COG5: variants seen among roughly 807,000 people sequenced by gnomAD.
The protein encoded by COG5 is conserved oligomeric Golgi complex subunit 5.
COG5 carries 86 observed loss-of-function variants against 110.4 expected under a neutral mutation model. That is an observed-to-expected ratio of 0.78 (90% CI 0.65 to 0.93). The LOEUF is 0.93. Ranked by LOEUF, COG5 falls within the 40% of genes least tolerant of loss-of-function variation. The pLI is 0.00. For missense variants in COG5, 1,077 were observed against 987.0 expected, an observed-to-expected ratio of 1.09 and a Z score of -1.22; for synonymous variants, 360 against 334.6, an observed-to-expected ratio of 1.08 and a Z score of -0.83.
At chr7:107,289,994 C>T (rs1444270489) in intron 12 of COG5, among the ~76,000 whole-genome samples, 1 of 152,116 alleles carries the variant, frequency 6.6e-6, no homozygotes, top group Admixed American at 6.5e-5. Context: ...TCCAGGTGGC[C>T]TCCCTCACCC....
At chr7:107,515,995 G>A (rs1404412849) in intron 6 of COG5, among the ~76,000 whole-genome samples, 1 of 152,158 alleles carries the variant, frequency 6.6e-6, no homozygotes, top group Non-Finnish European at 1.5e-5. Context: ...CCACTTTGTA[G>A]TAATGCCTAT....
At chr7:107,209,320 T>C (rs1168651145) in intron 21 of COG5, 1 of 715,738 alleles carries the variant, frequency 1.4e-6, no homozygotes, top group East Asian at 1.3e-4. Flanking sequence ...GCTAGTTAGG[T>C]GATTGTGACC....
At chr7:107,317,626 A>G (rs1297884133) in intron 11 of COG5, among the ~76,000 whole-genome samples, 1 of 152,238 alleles carries the variant, frequency 6.6e-6, no homozygotes, top group Non-Finnish European at 1.5e-5. Context: ...TAAATCTTAA[A>G]GCAATATTCA....
chr7:107,281,773 G>C (rs1805189114), intron 13 of COG5, among the ~76,000 whole-genome samples: 1 of 152,118 alleles, frequency 6.6e-6, no homozygotes, highest in African/African-American at 2.4e-5. Context: ...GAATGGAAAT[G>C]ATGACCTTAA....
intron 16 of COG5, among the ~76,000 whole-genome samples, chr7:107,250,623 A>G (rs1802431988): frequency 6.6e-6 from 1 of 152,154 alleles, no homozygotes; most frequent in African/African-American, 2.4e-5. Context: ...AAGAACCTCA[A>G]TGAGGCAAGG....
At chr7:107,507,517 C>G (rs1799116877) in intron 6 of COG5, among the ~76,000 whole-genome samples, 1 of 149,394 alleles carries the variant, frequency 6.7e-6, no homozygotes, top group Non-Finnish European at 1.5e-5. Flanking sequence ...CCATATTAGC[C>G]ACGATGGTCT....
At chr7:107,426,126 T>C (rs2129076266) in intron 6 of COG5, among the ~76,000 whole-genome samples, 1 of 152,282 alleles carries the variant, frequency 6.6e-6, no homozygotes, top group East Asian at 1.9e-4. Context: ...ACTTCTAGCC[T>C]CCAGAATTGT....
At chr7:107,436,798 G>A (rs1794395723) in intron 6 of COG5, among the ~76,000 whole-genome samples, 1 of 152,096 alleles carries the variant, frequency 6.6e-6, no homozygotes, top group Non-Finnish European at 1.5e-5. Context: ...AAGCAGAGTT[G>A]GATCATGAGT....
intron 11 of COG5, among the ~76,000 whole-genome samples, chr7:107,305,438 T>C (rs1179043635): frequency 6.6e-6 from 1 of 152,182 alleles, no homozygotes; most frequent in African/African-American, 2.4e-5. Context: ...GCCTTTAGGA[T>C]GTCTTGAATG....
intron 1 of COG5, 38 bp from the exon 2 acceptor site, chr7:107,558,153 C>T (rs1031548306): frequency 7.5e-6 from 12 of 1,600,516 alleles, no homozygotes; most frequent in Non-Finnish European, 1.0e-5. Context: ...TCCTTAATTA[C>T]CCTGTACTAA....
intron 3 of COG5, among the ~76,000 whole-genome samples, chr7:107,549,558 A>ATTTTTTTTTTTTTTTTTT (rs764100280): frequency 7.3e-6 from 1 of 137,722 alleles, no homozygotes; most frequent in Non-Finnish European, 1.6e-5. Flanking sequence ...CGCCCAGCTA[A>ATTTTTTTTTTTTTTTTTT]TTTTTTTTTT....
intron 11 of COG5, among the ~76,000 whole-genome samples, chr7:107,302,494 A>G (rs1807353168): frequency 6.6e-6 from 1 of 152,216 alleles, no homozygotes; most frequent in Non-Finnish European, 1.5e-5. Context: ...AAAACATATC[A>G]AATTGTATAC....
intron 7 of COG5, among the ~76,000 whole-genome samples, chr7:107,381,636 G>C (rs2129053217): frequency 6.6e-6 from 1 of 152,250 alleles, no homozygotes. Context: ...CTCAAATACA[G>C]GCTTCTCATA....
At chr7:107,390,698 C>T (rs1022772732) in intron 7 of COG5, among the ~76,000 whole-genome samples, 1 of 150,430 alleles carries the variant, frequency 6.6e-6, no homozygotes, top group African/African-American at 2.5e-5. Context: ...CTGGGGGTCA[C>T]TCTTTGACTG....
At chr7:107,273,876 G>A (rs2116738499) in intron 14 of COG5, among the ~76,000 whole-genome samples, 1 of 152,196 alleles carries the variant, frequency 6.6e-6, no homozygotes, top group East Asian at 1.9e-4. Flanking sequence ...AATATTATAT[G>A]CCTGTGGTAA....
chr7:107,533,969 C>T (rs1801395274), intron 5 of COG5, among the ~76,000 whole-genome samples: 1 of 151,676 alleles, frequency 6.6e-6, no homozygotes, highest in African/African-American at 2.4e-5. Flanking sequence ...GCAGATCTCT[C>T]TGTAGAAACC....
chr7:107,343,942 T>C (rs527752538), intron 10 of COG5, among the ~76,000 whole-genome samples: 1 of 152,094 alleles, frequency 6.6e-6, no homozygotes. Flanking sequence ...TAAACAGATG[T>C]GCTATCCTCC....
chr7:107,395,846 C>T (rs369009240), intron 7 of COG5, among the ~76,000 whole-genome samples: 3 of 152,104 alleles, frequency 2.0e-5, no homozygotes, highest in Admixed American at 6.5e-5. Context: ...TGAGCCACTG[C>T]GCCCAGACAA....
rs139854606 is a variant in COG5 at position 107,402,343 on chromosome 7, A to G, written c.669+10159T>C. On this transcript the variant is annotated intron_variant, in intron 7 of 21. Coordinates refer to ENST00000297135, the MANE Select transcript of COG5 (RefSeq NM_006348.5). ...ACCAAGCTCTGAAAGAAGTGAACAC[A>G]GAAATCCTCTTTCCTGATGACCTCT... 5.3e-5 allele frequency among the ~76,000 whole-genome samples: 8 copies of G among 152,338 alleles called. No individual in the cohort carries two copies. In the East Asian group the frequency reaches 1.5e-3, roughly 29 times the overall value.
Sources: gnomAD v4.1 joint callset for allele counts (sites outside exome capture counted in the v4.1 genomes callset) on GRCh38, gnomAD v4.1.1 for gene constraint, MANE v1.5 for transcripts, NCBI Gene and HGNC (gene_info 2026-07-23, HGNC 2026-07-21) for gene names.